Variants in BAZ1B observed in about 807,000 individuals in gnomAD.
BAZ1B encodes the protein bromodomain adjacent to zinc finger domain 1B, also known as tyrosine-protein kinase BAZ1B.
Under a neutral mutation model 153.8 loss-of-function variants are expected in BAZ1B, and 22 were observed. That is an observed-to-expected ratio of 0.14 (90% CI 0.10 to 0.20). The LOEUF (loss-of-function observed/expected upper bound fraction) is 0.20. BAZ1B is among the 10% of genes least tolerant of loss of function. BAZ1B has a pLI of 1.00. For missense variants in BAZ1B, 1,325 were observed against 1,799.3 expected (o/e 0.74, Z 4.77); for synonymous variants, 676 against 633.4 (o/e 1.07, Z -1.01).
In BAZ1B at chr7:73,442,483, C is replaced by G. The variant is rs1554565345; in HGVS notation, c.4165G>C (p.Val1389Leu). 1 of 1,614,080 alleles carries G rather than the reference C, an allele frequency of 6.2e-7. No homozygotes were observed. The highest frequency in any genetic ancestry group is 8.5e-7 in the Non-Finnish European group (1 of 1,180,050). The stretch of plus-strand genomic sequence containing the variant: ...CTCCCACAGGAACATTTGTTCTGCA[C>G]TGTCTGAAAGTCCATGGGGTGCGTG... ...VITHPMDFQT[V>L]QNKCSCGSYR... Residue 1389 changes from valine to leucine, a missense_variant, in exon 19 of 20, where the codon GTG becomes CTG. Transcript: ENST00000339594.
At chr7:73,496,319 TCAA>T (rs1789891730) in intron 4 of BAZ1B, among the ~76,000 whole-genome samples, 1 of 152,160 alleles carries the variant, frequency 6.6e-6, no homozygotes. Context: ...AACTGAAGTA[TCAA>T]CAACTTGGGA....
chr7:73,456,397 A>C (rs1330078506), intron 13 of BAZ1B, among the ~76,000 whole-genome samples: 1 of 152,232 alleles, frequency 6.6e-6, no homozygotes, highest in Non-Finnish European at 1.5e-5. Flanking sequence ...TATATTTGCA[A>C]ATCATGCATC....
At position 73,449,701 on chromosome 7, in the gene BAZ1B, T is replaced by G. The variant is rs1276335370; in HGVS notation, c.3581-12A>C. ...TTTGTCATCCTCACCTGCAGAGAGA[T>G]AAATGTGAATAGCATTGTTGGGAGC... On this transcript the variant is annotated splice_polypyrimidine_tract_variant and intron_variant, in intron 14 of 19. Coordinates refer to ENST00000339594, the MANE Select transcript of BAZ1B (RefSeq NM_032408.4). 6 of 1,613,188 alleles carry G rather than the reference T, an allele frequency of 3.7e-6. No individual in the cohort carries two copies. Among genetic ancestry groups the G allele is most frequent in the Non-Finnish European group, 5.1e-6 (6 of 1,179,666 alleles).
intron 4 of BAZ1B, among the ~76,000 whole-genome samples, chr7:73,495,678 C>T (rs189883717): frequency 1.3e-5 from 2 of 152,318 alleles, no homozygotes; most frequent in Non-Finnish European, 1.5e-5. Flanking sequence ...GGTACACATA[C>T]ACCATGGAAT....
intron 1 of BAZ1B, 44 bp downstream of exon 1, chr7:73,521,783 G>C (rs925155390): frequency 6.9e-7 from 1 of 1,451,872 alleles, no homozygotes. Flanking sequence ...CCCTACCCCG[G>C]CCCAGCCCGG....
chr7:73,483,050 G>A (rs1789261438), intron 6 of BAZ1B, among the ~76,000 whole-genome samples: 1 of 152,194 alleles, frequency 6.6e-6, no homozygotes, highest in Non-Finnish European at 1.5e-5. Flanking sequence ...CAGATGGGGA[G>A]GGAGAAGAAA....
intron 13 of BAZ1B, among the ~76,000 whole-genome samples, chr7:73,458,674 CAAAA>C (rs11385760): frequency 1.5e-5 from 2 of 133,846 alleles, no homozygotes. Flanking sequence ...ACTCTTTCTC[CAAAA>C]AAAAAAAAAA....
chr7:73,445,613 G>C (rs1304708644), intron 16 of BAZ1B, among the ~76,000 whole-genome samples: 2 of 152,148 alleles, frequency 1.3e-5, no homozygotes, highest in Non-Finnish European at 2.9e-5. Flanking sequence ...GCTCACACTT[G>C]TAATCCCAGC....
chr7:73,488,394 C>G (rs949942898), intron 6 of BAZ1B, among the ~76,000 whole-genome samples: 1 of 152,042 alleles, frequency 6.6e-6, no homozygotes, highest in Non-Finnish European at 1.5e-5. Context: ...TACCATATAA[C>G]TTCATAAAAA....
chr7:73,468,937 T>C (rs762911237), intron 9 of BAZ1B, among the ~76,000 whole-genome samples: 51 of 151,928 alleles, frequency 3.4e-4, no homozygotes, highest in Non-Finnish European at 5.4e-4. Context: ...TGAGACCAGC[T>C]TGGCCAACAT....
At chr7:73,486,257 T>G (rs1789400861) in intron 6 of BAZ1B, among the ~76,000 whole-genome samples, 1 of 152,110 alleles carries the variant, frequency 6.6e-6, no homozygotes, top group Non-Finnish European at 1.5e-5. Flanking sequence ...AATCCAAAAT[T>G]CCTGTATCTT....
chr7:73,489,441 C>A (rs912226638), intron 5 of BAZ1B, 50 bp from the exon 6 acceptor site: 3 of 1,587,206 alleles, frequency 1.9e-6, no homozygotes, highest in Non-Finnish European at 2.6e-6. Context: ...AAAGTAATTA[C>A]CCAAATGAGA....
chr7:73,494,251 C>CACGT (rs1554576100), intron 4 of BAZ1B, among the ~76,000 whole-genome samples: 1 of 152,000 alleles, frequency 6.6e-6, no homozygotes, highest in Non-Finnish European at 1.5e-5. Flanking sequence ...GGCATGGTGG[C>CACGT]ACGTGCCTGT....
chr7:73,501,714 A>AT (rs1482903925), intron 3 of BAZ1B, among the ~76,000 whole-genome samples: 1 of 151,976 alleles, frequency 6.6e-6, no homozygotes, highest in Non-Finnish European at 1.5e-5. Flanking sequence ...TGAAATACTC[A>AT]ATGCCCCCTT....
At chr7:73,471,920 A>C (rs1554572053) in intron 7 of BAZ1B, among the ~76,000 whole-genome samples, 1 of 152,044 alleles carries the variant, frequency 6.6e-6, no homozygotes, top group Non-Finnish European at 1.5e-5. Flanking sequence ...ATTACAATCA[A>C]GGAAAAGTTC....
chr7:73,441,992 G>A, intron 19 of BAZ1B, 189 bp downstream of exon 19: 1 of 577,712 alleles, frequency 1.7e-6, no homozygotes, highest in Non-Finnish European at 3.1e-6. Flanking sequence ...GGCCCTCTTT[G>A]TCCCTTCATA....
chr7:73,443,031 G>A (rs960465784), intron 17 of BAZ1B, among the ~76,000 whole-genome samples: 2 of 152,174 alleles, frequency 1.3e-5, no homozygotes, highest in Non-Finnish European at 2.9e-5. Flanking sequence ...CCACTCACTC[G>A]CCTCCCCCGG....
rs1583877533 is a variant in BAZ1B, at chr7:73,440,952, A to G, written c.*757T>C. On this transcript the variant is annotated 3_prime_UTR_variant, in exon 20 of 20. Transcript: ENST00000339594. ...TTGCCTAAATATAACAACTAGAGCT[A>G]GATTTGTTGTGGGGGAAGGGGCTCT... 1 of 152,772 alleles carries G rather than the reference A, an allele frequency of 6.5e-6. No individual in the cohort carries two copies. The highest frequency in any genetic ancestry group is 1.9e-4 in the East Asian group (1 of 5,186). 9.5% of individuals were successfully genotyped at this position (152,772 alleles called of 1,614,324 possible).
chr7:73,495,076 G>C (rs1345087483), intron 4 of BAZ1B, among the ~76,000 whole-genome samples: 4 of 152,194 alleles, frequency 2.6e-5, no homozygotes, highest in Non-Finnish European at 4.4e-5. Flanking sequence ...CTGAGGTCCA[G>C]AGTTCGAGAC....
Sources: allele counts gnomAD v4.1 joint callset (sites outside exome capture counted in the v4.1 genomes callset), GRCh38; gene constraint gnomAD v4.1.1; transcripts MANE v1.5; gene names NCBI Gene and HGNC (gene_info 2026-07-23, HGNC 2026-07-21).